The following YTHDC2 variants were observed in gnomAD, a reference collection of about 807,000 sequenced individuals.
YTHDC2 encodes the protein YTH N6-methyladenosine RNA binding protein C2.
In YTHDC2, 45 loss-of-function variants were observed where a neutral mutation model predicts 174.9. The observed-to-expected ratio is 0.26, with a 90% CI of 0.20 to 0.33. YTHDC2 has a LOEUF of 0.33. Among genes scored for constraint, YTHDC2 ranks in the 10% least tolerant of loss-of-function variants. The pLI, the probability that YTHDC2 is intolerant of heterozygous loss-of-function variation, is 1.00. For synonymous variants in YTHDC2, 657 were observed against 574.5 expected (o/e 1.14, Z -2.05); for missense variants, 1,650 against 1,723.7 (o/e 0.96, Z 0.76).
chr5:113,569,982 C>G (rs564203827), intron 23 of YTHDC2, among the ~76,000 whole-genome samples: 1 of 152,250 alleles, frequency 6.6e-6, no homozygotes, highest in East Asian at 1.9e-4. Flanking sequence ...GAACGTTTTT[C>G]CATTTGTTTA....
rs769119132 is a variant in YTHDC2, at chr5:113,548,597, G to A, written c.1552G>A (p.Gly518Ser). Residue 518 changes from glycine (G) to serine (S), a missense_variant, in exon 11 of 30, where the codon GGC (glycine) becomes AGC (serine). This residue lies in a region of YTHDC2 where 411 missense variants were observed against 380.6 expected (regional missense o/e 1.08). Coordinates refer to ENST00000161863, the MANE Select transcript of YTHDC2 (RefSeq NM_022828.5). The stretch of plus-strand genomic sequence containing the variant: ...AGCTCTGATGGTTGCTGCAGGACGT[G>A]GCTTTGCAAGTCAAGTAGAACAGTT... ...ATALMVAAGR[G>S]FASQVEQLIS... The A allele has an allele frequency of 3.1e-6, 5 of 1,613,280 alleles. No homozygotes were observed.
At chr5:113,524,354 A>G (rs1774072767) in intron 2 of YTHDC2, among the ~76,000 whole-genome samples, 1 of 152,180 alleles carries the variant, frequency 6.6e-6, no homozygotes, top group Admixed American at 6.5e-5. Flanking sequence ...CAATATACCT[A>G]CAGTAAATAA....
At position 113,514,079 on chromosome 5, in the gene YTHDC2, A is replaced by C; in HGVS notation, c.184A>C (p.Arg62=). ...ALERFRYGDQ[R]EMEFPSSLTS... The stretch of plus-strand genomic sequence containing the variant: ...GGAGCGCTTCCGATACGGGGACCAG[A>C]GAGGTGAGGTTCCGGACAGGGACCA... Residue 62 remains arginine, a synonymous_variant, in exon 1 of 30, where the codon AGA becomes CGA. Coordinates refer to ENST00000161863, the MANE Select transcript of YTHDC2 (RefSeq NM_022828.5). 6.2e-7 allele frequency: 1 copy of C among 1,611,394 alleles called. No homozygotes were observed. The highest frequency in any genetic ancestry group is 8.5e-7 in the Non-Finnish European group (1 of 1,179,004).
chr5:113,578,764 G>A (rs1778219718), intron 23 of YTHDC2, among the ~76,000 whole-genome samples: 1 of 151,862 alleles, frequency 6.6e-6, no homozygotes, highest in Admixed American at 6.6e-5. Context: ...TGAGAGACTT[G>A]GTATTCTGGA....
At chr5:113,522,107 G>A (rs1773905711) in intron 2 of YTHDC2, among the ~76,000 whole-genome samples, 1 of 150,556 alleles carries the variant, frequency 6.6e-6, no homozygotes, top group Non-Finnish European at 1.5e-5. Context: ...GTACTTATTA[G>A]GCATCAAATG....
intron 16 of YTHDC2, 25 bp from the exon 17 acceptor site, chr5:113,556,027 C>T (rs1375105681): frequency 1.4e-6 from 2 of 1,408,886 alleles, no homozygotes; most frequent in Non-Finnish European, 1.0e-6. Context: ...TATATTCTAA[C>T]ATAAAGATGG....
At chr5:113,517,989 C>T (rs1036417788) in intron 2 of YTHDC2, among the ~76,000 whole-genome samples, 13 of 150,954 alleles carry the variant, frequency 8.6e-5, no homozygotes, top group Non-Finnish European at 1.5e-4. Flanking sequence ...CCCGGGTTCA[C>T]GCCATTCTCC....
chr5:113,548,687 A>G lies in YTHDC2; in HGVS notation c.1622+20A>G. 6.3e-7 allele frequency: 1 copy of G among 1,599,592 alleles called. No individual in the cohort carries two copies. Among genetic ancestry groups the G allele is most frequent in the Non-Finnish European group, 8.5e-7 (1 of 1,175,382 alleles). ...TGGCTGGTAATTTTAAACTACGTTGATTCTTCATATATCTTTGTATAGCTA... is the reference window on the plus strand; with the variant it reads ...TGGCTGGTAATTTTAAACTACGTTGGTTCTTCATATATCTTTGTATAGCTA... On this transcript the variant is annotated intron_variant, in intron 11 of 29. Coordinates refer to ENST00000161863, the MANE Select transcript of YTHDC2 (RefSeq NM_022828.5).
intron 7 of YTHDC2, 135 bp from the exon 8 acceptor site, chr5:113,538,939 T>C: frequency 4.1e-6 from 2 of 486,806 alleles, no homozygotes; most frequent in Non-Finnish European, 7.2e-6. Context: ...TAAAGGACAA[T>C]ATTATAAGAG....
chr5:113,536,760 T>G (rs1033948195), intron 7 of YTHDC2, among the ~76,000 whole-genome samples: 2 of 137,846 alleles, frequency 1.5e-5, no homozygotes, highest in Non-Finnish European at 3.0e-5. Context: ...GGATTTATGA[T>G]TTATGGATGT....
At position 113,593,570 on chromosome 5, in the gene YTHDC2, T is replaced by C. The variant is rs1422600691; in HGVS notation, c.*96T>C. On this transcript the variant is annotated 3_prime_UTR_variant, in exon 30 of 30. Coordinates refer to ENST00000161863, the MANE Select transcript of YTHDC2 (RefSeq NM_022828.5). ...ACTGAGGTGGGGTGTGTGTTACGAATGGGCTTTTTAACACTTTTAGAGTGT... is the reference window on the plus strand; with the variant it reads ...ACTGAGGTGGGGTGTGTGTTACGAACGGGCTTTTTAACACTTTTAGAGTGT... 8.3e-6 allele frequency: 4 copies of C among 483,462 alleles called. No individual in the cohort carries two copies. Among genetic ancestry groups the C allele is most frequent in the Non-Finnish European group, 1.5e-5 (4 of 270,504 alleles). The allele number at this position is 483,462 out of a possible 1,614,324, so 29.9% of individuals were successfully genotyped here.
chr5:113,541,395 G>C (rs1272659250), intron 9 of YTHDC2, among the ~76,000 whole-genome samples: 1 of 152,018 alleles, frequency 6.6e-6, no homozygotes, highest in Non-Finnish European at 1.5e-5. Flanking sequence ...ATTTCACTGT[G>C]TTAGCCAGGG....
intron 25 of YTHDC2, 62 bp downstream of exon 25, chr5:113,581,771 C>G: frequency 7.7e-7 from 1 of 1,300,088 alleles, no homozygotes; most frequent in Non-Finnish European, 1.0e-6. Flanking sequence ...AATTATTTAT[C>G]TTAGAATCAT....
chr5:113,545,005 T>G (rs913391852), intron 10 of YTHDC2, among the ~76,000 whole-genome samples: 11 of 152,232 alleles, frequency 7.2e-5, no homozygotes, highest in African/African-American at 7.2e-5. Flanking sequence ...TGTACTTGTT[T>G]TGAATTTTTT....
intron 9 of YTHDC2, 35 bp from the exon 10 acceptor site, chr5:113,542,333 T>G: frequency 6.3e-7 from 1 of 1,598,748 alleles, no homozygotes; most frequent in South Asian, 1.1e-5. Context: ...GTTAGGTAAT[T>G]TATGATAATT....
intron 23 of YTHDC2, among the ~76,000 whole-genome samples, chr5:113,569,817 G>C (rs1465167271): frequency 6.6e-6 from 1 of 152,044 alleles, no homozygotes; most frequent in African/African-American, 2.4e-5. Flanking sequence ...GATTGTCTTG[G>C]CTATATGGTC....
intron 2 of YTHDC2, among the ~76,000 whole-genome samples, chr5:113,518,499 G>T (rs1372406461): frequency 6.6e-6 from 1 of 151,756 alleles, no homozygotes; most frequent in Non-Finnish European, 1.5e-5. Flanking sequence ...ACTGGGCCCA[G>T]CCGATTTTTA....
intron 12 of YTHDC2, among the ~76,000 whole-genome samples, chr5:113,551,974 C>G (rs932649319): frequency 1.3e-5 from 2 of 151,994 alleles, no homozygotes; most frequent in Non-Finnish European, 2.9e-5. Flanking sequence ...TATGTTGATT[C>G]TTGCTTTTGG....
chr5:113,528,979 A>G lies in YTHDC2; in HGVS notation c.675+2194A>G, dbSNP rs536064159. Among the ~76,000 whole-genome samples, 76 of 151,166 alleles carry G rather than the reference A, an allele frequency of 5.0e-4. 1 individual carries two copies. In the South Asian group the frequency reaches 0.016, roughly 31 times the overall value. On this transcript the variant is annotated intron_variant, in intron 4 of 29. Transcript: ENST00000161863. ...TGTTCTCTTTACAGCATTGTTATAT[A>G]TTGGTTTTTTAACATAGGCTAAGAA...
Sources: gnomAD v4.1 joint callset for allele counts (sites outside exome capture counted in the v4.1 genomes callset) on GRCh38, gnomAD v4.1.1 for gene constraint, gnomAD v4.1.1 regional missense constraint, MANE v1.5 for transcripts, NCBI Gene and HGNC (gene_info 2026-07-23, HGNC 2026-07-21) for gene names.